NRG4: variants seen among roughly 807,000 people sequenced by gnomAD.
The protein encoded by NRG4 is neuregulin 4, also known as pro-neuregulin-4, membrane-bound isoform.
NRG4 carries 10 observed loss-of-function variants against 15.0 expected under a neutral mutation model. The ratio of observed to expected loss-of-function variants is 0.67; its 90% CI spans 0.41 to 1.13. The LOEUF is 1.13. NRG4 is among the 50% of genes most tolerant of loss of function. NRG4 has a pLI of 0.00. For synonymous variants in NRG4, 41 were observed against 50.1 expected (o/e 0.82, Z 0.77); for missense variants, 139 against 140.2 (o/e 0.99, Z 0.04).
intron 4 of NRG4, among the ~76,000 whole-genome samples, chr15:75,959,472 T>C (rs1259128174): frequency 1.3e-5 from 2 of 151,426 alleles, no homozygotes; most frequent in African/African-American, 4.8e-5. Context: ...TAAATAAATA[T>C]ATAAATAAAT....
chr15:75,963,131 A>C (rs2032614360), intron 3 of NRG4, among the ~76,000 whole-genome samples: 1 of 152,222 alleles, frequency 6.6e-6, no homozygotes, highest in Non-Finnish European at 1.5e-5. Flanking sequence ...ATATAGCACA[A>C]AGGATCAATT....
chr15:75,949,120 C>T (rs2031723080), intron 5 of NRG4, among the ~76,000 whole-genome samples: 1 of 152,162 alleles, frequency 6.6e-6, no homozygotes. Flanking sequence ...CCACCACAAT[C>T]CCATTGTAGA....
At chr15:75,946,527 T>G (rs2031524277) in intron 5 of NRG4, among the ~76,000 whole-genome samples, 1 of 151,942 alleles carries the variant, frequency 6.6e-6, no homozygotes, top group Non-Finnish European at 1.5e-5. Context: ...CTGGCTAATT[T>G]TTTTTGTATT....
intron 3 of NRG4, among the ~76,000 whole-genome samples, chr15:75,986,924 T>A (rs959073477): frequency 7.2e-5 from 11 of 152,182 alleles, no homozygotes; most frequent in Non-Finnish European, 1.6e-4. Context: ...AAGATCTCAA[T>A]CTAAGTTTAA....
chr15:75,945,240 G>GAT (rs1174559936), intron 5 of NRG4, among the ~76,000 whole-genome samples: 3 of 149,356 alleles, frequency 2.0e-5, no homozygotes, highest in African/African-American at 4.9e-5. Context: ...TCCATTCTCT[G>GAT]ATATATATAT....
intron 1 of NRG4, 180 bp downstream of exon 1, chr15:76,012,139 C>G (rs1375888030): frequency 1.3e-5 from 2 of 151,850 alleles, no homozygotes; most frequent in Non-Finnish European, 2.9e-5. Context: ...CTCTCAAAGC[C>G]AACAGCTCTT....
intron 3 of NRG4, among the ~76,000 whole-genome samples, chr15:75,976,975 T>C (rs1356327035): frequency 6.6e-6 from 1 of 152,218 alleles, no homozygotes; most frequent in African/African-American, 2.4e-5. Context: ...ATAGGAGTTT[T>C]ATCTGTAAGT....
intron 5 of NRG4, among the ~76,000 whole-genome samples, chr15:76,017,845 G>A (rs545075552): frequency 1.2e-4 from 19 of 152,052 alleles, no homozygotes; most frequent in African/African-American, 4.1e-4. Flanking sequence ...TGGTGTTCTC[G>A]GTATTTCCTG....
At chr15:75,985,052 C>T (rs2033748789) in intron 3 of NRG4, among the ~76,000 whole-genome samples, 1 of 152,108 alleles carries the variant, frequency 6.6e-6, no homozygotes, top group Admixed American at 6.5e-5. Flanking sequence ...ACCATGTTAG[C>T]CAGGCTGGTC....
chr15:75,960,024 T>A (rs74024030), intron 4 of NRG4, among the ~76,000 whole-genome samples: 2 of 152,182 alleles, frequency 1.3e-5, no homozygotes, highest in Non-Finnish European at 2.9e-5. Flanking sequence ...TTACCTACAA[T>A]AAGTGAGAAA....
chr15:75,984,028 G>A (rs1043279100), intron 3 of NRG4, among the ~76,000 whole-genome samples: 2 of 152,122 alleles, frequency 1.3e-5, no homozygotes, highest in Non-Finnish European at 2.9e-5. Context: ...AAAAGTTCCT[G>A]AAAAAATACA....
chr15:76,049,261 G>C (rs895167347), intron 4 of NRG4, among the ~76,000 whole-genome samples: 7 of 150,454 alleles, frequency 4.7e-5, no homozygotes, highest in African/African-American at 1.7e-4. Context: ...ATACATAACT[G>C]GTCATCCTTA....
intron 3 of NRG4, among the ~76,000 whole-genome samples, chr15:75,978,248 T>A (rs2454465): frequency 0.021 from 3,154 of 152,272 alleles, 108 homozygotes; most frequent in African/African-American, 0.071. Context: ...ACTCTCTACC[T>A]CCCTGAGATC....
intron 3 of NRG4, among the ~76,000 whole-genome samples, chr15:75,988,712 G>A (rs2033892840): frequency 6.6e-6 from 1 of 152,116 alleles, no homozygotes; most frequent in South Asian, 2.1e-4. Context: ...GAGCTGATCT[G>A]AATCAACATG....
intron 4 of NRG4, among the ~76,000 whole-genome samples, chr15:76,038,785 G>A (rs930161611): frequency 6.6e-6 from 1 of 152,122 alleles, no homozygotes; most frequent in Non-Finnish European, 1.5e-5. Context: ...CCAGGTACTG[G>A]TTACAGCAGG....
intron 5 of NRG4, among the ~76,000 whole-genome samples, chr15:76,027,993 T>C (rs1310218590): frequency 1.3e-5 from 2 of 151,892 alleles, no homozygotes; most frequent in African/African-American, 4.8e-5. Context: ...AAACACAACA[T>C]ACTAAAACCT....
chr15:75,988,853 CTTTTTTTTTT>C (rs71444946), intron 3 of NRG4, among the ~76,000 whole-genome samples: 3 of 109,652 alleles, frequency 2.7e-5, no homozygotes, highest in Non-Finnish European at 5.6e-5. Flanking sequence ...CTGCACCTTC[CTTTTTTTTTT>C]TTTTTTTTTT....
chr15:75,992,135 T>C (rs1283201047), intron 3 of NRG4, among the ~76,000 whole-genome samples: 1 of 152,168 alleles, frequency 6.6e-6, no homozygotes, highest in East Asian at 1.9e-4. Context: ...AACTATATTG[T>C]TCCCTTTACT....
intron 5 of NRG4, among the ~76,000 whole-genome samples, chr15:76,026,619 G>A (rs1042663144): frequency 6.6e-6 from 1 of 152,062 alleles, no homozygotes; most frequent in Non-Finnish European, 1.5e-5. Flanking sequence ...TGGTAGAACT[G>A]ATATACAAAG....
Sources: allele counts gnomAD v4.1 joint callset (sites outside exome capture counted in the v4.1 genomes callset), GRCh38; gene constraint gnomAD v4.1.1; transcripts MANE v1.5; gene names NCBI Gene and HGNC (gene_info 2026-07-23, HGNC 2026-07-21).